ANXA11: variants seen among roughly 807,000 people sequenced by gnomAD.
ANXA11 encodes annexin A11, also known as 56 kDa autoantigen.
ANXA11 carries 57 observed loss-of-function variants against 64.7 expected under a neutral mutation model. The ratio of observed to expected loss-of-function variants is 0.88; its 90% CI spans 0.71 to 1.10. The LOEUF is 1.10. Ranked by LOEUF, ANXA11 falls within the 50% of genes least tolerant of loss-of-function variation. The pLI, the probability that ANXA11 is intolerant of heterozygous loss-of-function variation, is 0.00. For missense variants in ANXA11, 675 were observed against 670.7 expected, an observed-to-expected ratio of 1.01 and a Z score of -0.07; for synonymous variants, 260 against 265.2, an observed-to-expected ratio of 0.98 and a Z score of 0.19.
intron 1 of ANXA11, among the ~76,000 whole-genome samples, chr10:80,190,322 T>C (rs1317554143): frequency 6.6e-6 from 1 of 152,248 alleles, no homozygotes; most frequent in Non-Finnish European, 1.5e-5. Context: ...GCCACAAGTT[T>C]GTGGTAATTT....
rs369174543 is a variant in ANXA11, at chr10:80,170,105, C to A, written c.171+695G>T. ...TACCCTGGTCAACTTGTTCCTATGG[C>A]ACCTACACTTTCAATAACATCACAT... On this transcript the variant is annotated intron_variant, in intron 4 of 15. Coordinates refer to ENST00000422982, the MANE Select transcript of ANXA11 (RefSeq NM_145868.2). Among the ~76,000 whole-genome samples, 6 of 152,322 alleles carry A rather than the reference C, an allele frequency of 3.9e-5. No homozygotes were observed. In the South Asian group the frequency reaches 1.2e-3, roughly 32 times the overall value.
chr10:80,180,688 A>G (rs1846323515), intron 1 of ANXA11, among the ~76,000 whole-genome samples: 1 of 151,718 alleles, frequency 6.6e-6, no homozygotes, highest in African/African-American at 2.4e-5. Context: ...GTTTTTACAC[A>G]CACACACACA....
intron 2 of ANXA11, among the ~76,000 whole-genome samples, chr10:80,174,817 A>C (rs572938172): frequency 1.3e-4 from 20 of 152,266 alleles, no homozygotes; most frequent in African/African-American, 4.6e-4. Flanking sequence ...GCGGCCTCCC[A>C]CAGTGCTGGG....
intron 1 of ANXA11, among the ~76,000 whole-genome samples, chr10:80,193,596 C>A (rs1846863760): frequency 6.6e-6 from 1 of 152,026 alleles, no homozygotes; most frequent in South Asian, 2.1e-4. Context: ...GTAATCCCAG[C>A]ACTTTGGGAG....
Position 80,169,366 on chromosome 10 carries a change from G to A in ANXA11, c.172-8C>T. The A allele has an allele frequency of 6.2e-7, 1 of 1,602,958 alleles. No individual in the cohort carries two copies. The highest frequency in any genetic ancestry group is 1.1e-5 in the South Asian group (1 of 90,942). ...CCCAGACATGTTGGCCGCCTGCAAG[G>A]ACACAAAGCAGAGCCTGAGGCCAAT... On this transcript the variant is annotated splice_region_variant and splice_polypyrimidine_tract_variant and intron_variant, in intron 4 of 15. Coordinates refer to ENST00000422982, the MANE Select transcript of ANXA11 (RefSeq NM_145868.2).
intron 1 of ANXA11, among the ~76,000 whole-genome samples, chr10:80,179,385 C>T (rs1026671990): frequency 6.6e-6 from 1 of 152,232 alleles, no homozygotes; most frequent in Non-Finnish European, 1.5e-5. Flanking sequence ...GCCCAGCCTG[C>T]AGAACTGTGA....
At chr10:80,168,412 C>T (rs78683437) in intron 5 of ANXA11, among the ~76,000 whole-genome samples, 6,268 of 152,246 alleles carry the variant, frequency 0.041, 168 homozygotes, top group Non-Finnish European at 0.065. Context: ...TGACCCAACT[C>T]GGATGTGGAG....
intron 15 of ANXA11, chr10:80,156,441 G>A (rs1035633410): frequency 1.7e-5 from 8 of 471,848 alleles, no homozygotes; most frequent in African/African-American, 1.4e-4. Flanking sequence ...AGCAACTTGA[G>A]GGCAAGGCAT....
intron 8 of ANXA11, among the ~76,000 whole-genome samples, chr10:80,165,837 C>T (rs1382498288): frequency 1.3e-5 from 2 of 152,152 alleles, no homozygotes; most frequent in African/African-American, 4.8e-5. Flanking sequence ...AGACTTAAGC[C>T]TCCCTGATGA....
At chr10:80,166,416 T>G (rs1174872734) in intron 7 of ANXA11, 3 of 532,320 alleles carry the variant, frequency 5.6e-6, no homozygotes, top group Non-Finnish European at 6.7e-6. Context: ...GGTGACACAA[T>G]GAAGTTTGAG....
intron 8 of ANXA11, among the ~76,000 whole-genome samples, chr10:80,165,870 T>A (rs1380755094): frequency 6.6e-6 from 1 of 152,158 alleles, no homozygotes; most frequent in African/African-American, 2.4e-5. Context: ...CATTTGCCTC[T>A]TGGGGAAATC....
Position 80,169,007 on chromosome 10 carries a change from C to T in ANXA11, c.523G>A (p.Gly175Arg), listed in dbSNP as rs754594235. Residue 175 changes from glycine to arginine, a missense_variant, in exon 5 of 16, where the codon GGG becomes AGG. Coordinates refer to ENST00000422982, the MANE Select transcript of ANXA11 (RefSeq NM_145868.2). ...QPVPSYPGYP[G>R]SGTVTPAVPP... ...ACAGCGGGGGTGACAGTCCCAGACC[C>T]CGGGTATCCTGGGTAGCTCGGCACT... is the stretch of plus-strand genomic sequence containing the variant. 1.3e-6 allele frequency: 2 copies of T among 1,546,966 alleles called. No individual in the cohort carries two copies. The highest frequency in any genetic ancestry group is 1.7e-6 in the Non-Finnish European group (2 of 1,152,346).
chr10:80,186,949 C>T (rs944246693), intron 1 of ANXA11, among the ~76,000 whole-genome samples: 11 of 152,200 alleles, frequency 7.2e-5, no homozygotes, highest in African/African-American at 2.4e-4. Flanking sequence ...AATGCTGAGT[C>T]CAATTCAGAA....
chr10:80,161,650 C>T (rs1024060053), intron 12 of ANXA11, among the ~76,000 whole-genome samples: 1 of 152,242 alleles, frequency 6.6e-6, no homozygotes, highest in African/African-American at 2.4e-5. Context: ...CTTTGGAAAA[C>T]ACTGGATTGG....
chr10:80,161,668 C>T (rs910599134), intron 12 of ANXA11, among the ~76,000 whole-genome samples: 7 of 152,208 alleles, frequency 4.6e-5, no homozygotes, highest in Admixed American at 2.6e-4. Flanking sequence ...TGGGTGCTCC[C>T]GAAGGACCCT....
Position 80,170,878 on chromosome 10 carries a change from C to T in ANXA11, c.93G>A (p.Pro31=), listed in dbSNP as rs139801764. ...GPWGGAAYPP[P]PSMPPIGLDN... Reference sequence around the variant, plus strand: ...CCAGCCCGATGGGGGGCATGCTGGGCGGAGGAGGGTAGGCAGCACCTCCCC... The same window carrying T: ...CCAGCCCGATGGGGGGCATGCTGGGTGGAGGAGGGTAGGCAGCACCTCCCC... Residue 31 remains proline (P), a synonymous_variant, in exon 4 of 16, where the codon CCG becomes CCA. Transcript: ENST00000422982. The T allele has an allele frequency of 8.0e-5, 126 of 1,566,560 alleles. No homozygotes were observed. Among genetic ancestry groups the T allele is most frequent in the Admixed American group, 3.3e-4 (17 of 52,072 alleles).
intron 12 of ANXA11, among the ~76,000 whole-genome samples, chr10:80,161,267 C>T (rs1432988947): frequency 6.6e-6 from 1 of 152,216 alleles, no homozygotes. Flanking sequence ...GTGCTGGGAG[C>T]CCCAGGCAGG....
chr10:80,199,552 T>A (rs958570883), intron 1 of ANXA11, among the ~76,000 whole-genome samples: 1 of 152,022 alleles, frequency 6.6e-6, no homozygotes, highest in African/African-American at 2.4e-5. Flanking sequence ...ATGTCCGTAA[T>A]CCCAGCACTT....
In ANXA11 at chr10:80,151,636, C is replaced by T. The variant is rs1845158839; in HGVS notation, c.*4217G>A. ...GCATGGCATTAAACCACCACTTTGA[C>T]CGTGGGCACCTGCAAAGGTTCATCT... is the stretch of plus-strand genomic sequence containing the variant. On this transcript the variant is annotated 3_prime_UTR_variant, in exon 16 of 16. Transcript: ENST00000422982. The T allele has an allele frequency of 6.6e-6, 1 of 152,172 alleles. No homozygotes were observed. Among genetic ancestry groups the T allele is most frequent in the Middle Eastern group, 3.2e-3 (1 of 316 alleles). The allele number at this position is 152,172 out of a possible 1,614,324, so 9.4% of individuals were successfully genotyped here.
Sources: gnomAD v4.1 joint callset for allele counts (sites outside exome capture counted in the v4.1 genomes callset) on GRCh38, gnomAD v4.1.1 for gene constraint, MANE v1.5 for transcripts, NCBI Gene and HGNC (gene_info 2026-07-23, HGNC 2026-07-21) for gene names.